Variants in ZNF469 observed in about 807,000 individuals in gnomAD.
ZNF469 encodes the protein zinc finger protein 469.
A neutral mutation model predicts 1.0 loss-of-function variants in ZNF469; 1 was observed. The ratio of observed to expected loss-of-function variants is 1.00; its 90% CI spans 0.35 to 4.73. ZNF469 has a LOEUF of 4.73. Ranked by LOEUF, ZNF469 falls within the 30% of genes most tolerant of loss-of-function variation. The pLI is 0.16. For synonymous variants in ZNF469, 2,703 were observed against 2,363.4 expected (o/e 1.14, Z -4.17); for missense variants, 6,100 against 5,356.3 (o/e 1.14, Z -4.33).
the ZNF469 span, among the ~76,000 whole-genome samples, chr16:88,110,244 C>T: frequency 2.6e-5 from 4 of 152,296 alleles, no homozygotes; most frequent in African/African-American, 9.6e-5. Flanking sequence ...TTCAGACCCC[C>T]GGGGGGCCGC....
At chr16:88,194,196 C>T in the ZNF469 span, 1 of 152,272 alleles carries the variant, frequency 6.6e-6, no homozygotes, top group Non-Finnish European at 1.5e-5. Context: ...CTGGAGATGG[C>T]ACAGCCTGCT....
chr16:88,331,423 C>A, the ZNF469 span, among the ~76,000 whole-genome samples: 1 of 151,554 alleles, frequency 6.6e-6, no homozygotes, highest in Non-Finnish European at 1.5e-5. Context: ...TCACCACCAC[C>A]AACACCACCA....
At chr16:88,265,443 CATG>C in the ZNF469 span, among the ~76,000 whole-genome samples, 1 of 152,172 alleles carries the variant, frequency 6.6e-6, no homozygotes, top group African/African-American at 2.4e-5. Context: ...CCCAGTGAGT[CATG>C]AGGGCTGCGG....
At chr16:88,238,205 G>A in the ZNF469 span, among the ~76,000 whole-genome samples, 2 of 152,236 alleles carry the variant, frequency 1.3e-5, no homozygotes, top group Admixed American at 1.3e-4. Context: ...GTGGCCGGCA[G>A]CACCCACTCA....
the ZNF469 span, among the ~76,000 whole-genome samples, chr16:88,174,648 AC>A: frequency 6.7e-6 from 1 of 148,494 alleles, no homozygotes; most frequent in Admixed American, 6.8e-5. Context: ...GCCTCAGCCT[AC>A]CCAATGTGAA....
At chr16:88,275,759 G>T in the ZNF469 span, among the ~76,000 whole-genome samples, 56 of 152,324 alleles carry the variant, frequency 3.7e-4, no homozygotes, top group Admixed American at 8.5e-4. Flanking sequence ...ACCCTGGTTA[G>T]GGAAGGAAGT....
chr16:88,256,895 C>CTTTCTCTCTCTCTCTCTCTCTTTCTTTCT, the ZNF469 span, among the ~76,000 whole-genome samples: 1 of 51,474 alleles, frequency 1.9e-5, no homozygotes, highest in African/African-American at 6.9e-5. Flanking sequence ...CTTTTCTTTC[C>CTTTCTCTCTCTCTCTCTCTCTTTCTTTCT]TTCTTTCTTT....
chr16:88,212,399 T>C, the ZNF469 span, among the ~76,000 whole-genome samples: 1 of 152,218 alleles, frequency 6.6e-6, no homozygotes, highest in African/African-American at 2.4e-5. Flanking sequence ...ACACTCTTTC[T>C]TTTTTACATC....
the ZNF469 span, among the ~76,000 whole-genome samples, chr16:88,313,780 T>C: frequency 2.3e-4 from 35 of 152,066 alleles, no homozygotes; most frequent in Non-Finnish European, 4.1e-4. Flanking sequence ...ATCTCTGTAA[T>C]TCAGGCAGTG....
At chr16:88,110,434 TC>T in the ZNF469 span, among the ~76,000 whole-genome samples, 1 of 152,262 alleles carries the variant, frequency 6.6e-6, no homozygotes, top group Non-Finnish European at 1.5e-5. Context: ...GGGCTGGCTC[TC>T]CCAGGTGTCG....
chr16:88,157,700 C>G, the ZNF469 span, among the ~76,000 whole-genome samples: 2 of 152,208 alleles, frequency 1.3e-5, no homozygotes, highest in African/African-American at 4.8e-5. Context: ...ATGCCCAGCT[C>G]CCCGCTCCTG....
At position 88,434,437 on chromosome 16, in the gene ZNF469, C is replaced by T. The variant is rs1309618468; in HGVS notation, c.6967C>T (p.Pro2323Ser). 1 of 1,549,726 alleles carries T rather than the reference C, an allele frequency of 6.5e-7. No homozygotes were observed. The highest frequency in any genetic ancestry group is 1.7e-4 in the Middle Eastern group (1 of 5,992). ...GCCCCACACCAACCCTGACAGGATG[C>T]CCAGGGGCCACTCCTCGTATTCTCC... ...APPHTNPDRM[P>S]RGHSSYSPSN... The change falls in exon 3 of 3, where the codon CCC becomes TCC. Residue 2323 changes from proline to serine, a missense_variant. Transcript: ENST00000565624.
At chr16:88,360,259 A>G in the ZNF469 span, among the ~76,000 whole-genome samples, 4 of 152,308 alleles carry the variant, frequency 2.6e-5, no homozygotes, top group African/African-American at 4.8e-5. Flanking sequence ...ACCTCAGGTG[A>G]TCCACCCACC....
rs1260444066 is a variant in ZNF469, at chr16:88,430,562, CCCCCAGGAAGGA to C, written c.3103_3114del (p.Asp1035_Lys1038del). 2.2e-5 allele frequency: 33 copies of C among 1,474,164 alleles called. No homozygotes were observed. The highest frequency in any genetic ancestry group is 1.6e-4 in the South Asian group (12 of 76,334). 91.3% of individuals were successfully genotyped at this position (1,474,164 alleles called of 1,614,324 possible). On this transcript the variant is annotated inframe_deletion, in exon 3 of 3. Transcript: ENST00000565624. ...CGCAGCTCCCGGCGCCGCCGGCTGC[CCCCCAGGAAGGA>C]CCCCAGGAAGAGGAAGGCTCGGGGC...
the ZNF469 span, among the ~76,000 whole-genome samples, chr16:88,375,962 A>G: frequency 0.11 from 16,459 of 152,332 alleles, 924 homozygotes; most frequent in Middle Eastern, 0.2. Flanking sequence ...TTGGAGAGGA[A>G]AAGCTCCCAG....
the ZNF469 span, among the ~76,000 whole-genome samples, chr16:88,151,445 G>T: frequency 6.6e-6 from 1 of 152,212 alleles, no homozygotes; most frequent in Admixed American, 6.5e-5. This position sits in a 1 kb window ranked among gnomAD's most constrained non-coding sequence, Gnocchi z 5.4. Context: ...AATGGCCGCA[G>T]ACTCTCCCTG....
At chr16:88,309,536 AGGACACCTGATGGG>A in the ZNF469 span, among the ~76,000 whole-genome samples, 1 of 144,358 alleles carries the variant, frequency 6.9e-6, no homozygotes, top group Non-Finnish European at 1.5e-5. Flanking sequence ...CTCGGTGTTC[AGGACACCTGATGGG>A]GGGAGTACCC....
chr16:88,245,100 G>C, the ZNF469 span, among the ~76,000 whole-genome samples: 2 of 152,104 alleles, frequency 1.3e-5, no homozygotes, highest in African/African-American at 4.8e-5. Context: ...GGTCTCTGTG[G>C]ACCCTTCATC....
the ZNF469 span, among the ~76,000 whole-genome samples, chr16:88,279,134 TG>T: frequency 7.8e-6 from 1 of 128,908 alleles, no homozygotes; most frequent in African/African-American, 2.6e-5. Flanking sequence ...CGGTTAGTGC[TG>T]CACCACGCCG....
Sources: allele counts gnomAD v4.1 joint callset (sites outside exome capture counted in the v4.1 genomes callset), GRCh38; gene constraint gnomAD v4.1.1; non-coding constraint Gnocchi (gnomAD v3.1); transcripts MANE v1.5; gene names NCBI Gene and HGNC (gene_info 2026-07-23, HGNC 2026-07-21).